Variants in SDK1 observed in about 807,000 individuals in gnomAD.
SDK1 encodes the protein protein sidekick-1.
SDK1 carries 157 observed loss-of-function variants against 245.5 expected under a neutral mutation model. The ratio of observed to expected loss-of-function variants is 0.64; its 90% CI spans 0.56 to 0.73. The LOEUF is 0.73. Among genes scored for constraint, SDK1 ranks in the 30% least tolerant of loss-of-function variants. SDK1 has a pLI of 0.00. For synonymous variants in SDK1, 1,647 were observed against 1,278.5 expected, an observed-to-expected ratio of 1.29 and a Z score of -6.15; for missense variants, 3,583 against 3,002.3, an observed-to-expected ratio of 1.19 and a Z score of -4.52.
At chr7:3,569,260 C>G (rs982396997) in intron 1 of SDK1, among the ~76,000 whole-genome samples, 24 of 152,078 alleles carry the variant, frequency 1.6e-4, no homozygotes, top group Non-Finnish European at 3.2e-4. Flanking sequence ...AAACGAGAAC[C>G]AGAAGTAAGG....
At chr7:4,180,325 G>GCCCGGCTCCAGCTCTATGCCCAGCA (rs1562398636) in intron 35 of SDK1, among the ~76,000 whole-genome samples, 1 of 147,938 alleles carries the variant, frequency 6.8e-6, no homozygotes, top group African/African-American at 2.6e-5. Context: ...TATGCCCAGT[G>GCCCGGCTCCAGCTCTATGCCCAGCA]CCCGGCTCCA....
intron 1 of SDK1, among the ~76,000 whole-genome samples, chr7:3,492,327 T>C (rs1242979740): frequency 6.6e-6 from 1 of 152,136 alleles, no homozygotes; most frequent in East Asian, 1.9e-4. Context: ...ACCCCGTCTC[T>C]ACTAAAAATA....
At chr7:3,851,263 GA>G (rs913954298) in intron 5 of SDK1, among the ~76,000 whole-genome samples, 5 of 151,974 alleles carry the variant, frequency 3.3e-5, no homozygotes, top group African/African-American at 1.2e-4. Context: ...TTGAAGACAT[GA>G]TATAGTCTTT....
chr7:3,771,798 C>G (rs370643937), intron 4 of SDK1, among the ~76,000 whole-genome samples: 5 of 152,042 alleles, frequency 3.3e-5, no homozygotes, highest in African/African-American at 1.2e-4. Flanking sequence ...TGAATGTATA[C>G]TTCACTGCCA....
intron 34 of SDK1, among the ~76,000 whole-genome samples, chr7:4,177,883 A>G (rs1285776262): frequency 6.6e-6 from 1 of 152,266 alleles, no homozygotes; most frequent in East Asian, 1.9e-4. Flanking sequence ...GAGGGGAGAC[A>G]GCGACAGATC....
intron 44 of SDK1, among the ~76,000 whole-genome samples, chr7:4,255,997 G>A (rs1325052999): frequency 7.2e-6 from 1 of 139,082 alleles, no homozygotes; most frequent in Non-Finnish European, 1.5e-5. Flanking sequence ...TCAGCTCACT[G>A]CAACCTCTGC....
At chr7:4,190,619 C>G (rs1303213471) in intron 35 of SDK1, among the ~76,000 whole-genome samples, 1 of 152,260 alleles carries the variant, frequency 6.6e-6, no homozygotes, top group East Asian at 1.9e-4. Context: ...GTGGGGGATT[C>G]TCCAATGCGC....
rs146656620 is a variant in SDK1, at chr7:4,075,089, C to G, written c.3011-1909C>G. Among the ~76,000 whole-genome samples, 487 of 151,250 alleles carry G rather than the reference C, an allele frequency of 3.2e-3. 6 individuals are homozygous for G. Among genetic ancestry groups the G allele is most frequent in the African/African-American group, 0.011 (464 of 41,044 alleles). ...CACCACAGAGGATGGTTTAGTGACCCTCCTGGGCCCAGGCAGAGACCCCAA... is the reference window on the plus strand; with the variant it reads ...CACCACAGAGGATGGTTTAGTGACCGTCCTGGGCCCAGGCAGAGACCCCAA... On this transcript the variant is annotated intron_variant, in intron 20 of 44. Transcript: ENST00000404826.
chr7:3,776,491 C>G (rs959389902), intron 4 of SDK1, among the ~76,000 whole-genome samples: 1 of 152,158 alleles, frequency 6.6e-6, no homozygotes, highest in African/African-American at 2.4e-5. Flanking sequence ...CGATCAGATC[C>G]CATTGTTGTG....
chr7:3,657,287 G>A (rs910997812), intron 4 of SDK1, among the ~76,000 whole-genome samples: 19 of 152,278 alleles, frequency 1.2e-4, no homozygotes, highest in African/African-American at 4.6e-4. Flanking sequence ...ACAGATGAGA[G>A]GCAGACAGCT....
Position 3,845,101 on chromosome 7 carries a change from C to T in SDK1, c.847+23518C>T, listed in dbSNP as rs144352804. ...CTTCGGAGAGCGGAGGTCGCGAGAGCCAGGTTGGCGGGGAGGGATGCTGGG... is the reference window on the plus strand; with the variant it reads ...CTTCGGAGAGCGGAGGTCGCGAGAGTCAGGTTGGCGGGGAGGGATGCTGGG... On this transcript the variant is annotated intron_variant, in intron 5 of 44. Coordinates refer to ENST00000404826, the MANE Select transcript of SDK1 (RefSeq NM_152744.4). Among the ~76,000 whole-genome samples, 150 of 152,192 alleles carry T rather than the reference C, an allele frequency of 9.9e-4. 2 individuals are homozygous for T. The highest frequency in any genetic ancestry group is 3.4e-3 in the Middle Eastern group (1 of 294).
chr7:3,734,180 A>G (rs1779258607), intron 4 of SDK1, among the ~76,000 whole-genome samples: 2 of 152,198 alleles, frequency 1.3e-5, no homozygotes, highest in South Asian at 4.1e-4. Flanking sequence ...TAACATGCTG[A>G]AAATTAAAAC....
At chr7:3,564,077 CAT>C (rs1204609385) in intron 1 of SDK1, among the ~76,000 whole-genome samples, 4 of 151,842 alleles carry the variant, frequency 2.6e-5, no homozygotes, top group East Asian at 3.9e-4. Flanking sequence ...CTTAAATAAA[CAT>C]AGTTTATTAA....
chr7:3,879,531 G>C (rs978721138), intron 5 of SDK1, among the ~76,000 whole-genome samples: 3 of 152,188 alleles, frequency 2.0e-5, no homozygotes, highest in Admixed American at 1.3e-4. Context: ...CTGTGCTTCA[G>C]AACCTTGGCA....
At chr7:4,130,120 C>G in intron 27 of SDK1, 23 bp downstream of exon 27, 1 of 1,550,578 alleles carries the variant, frequency 6.4e-7, no homozygotes, top group East Asian at 2.3e-5. Flanking sequence ...TTCGCGCCTT[C>G]GGGAGCCTTG....
chr7:3,390,737 G>C (rs1391909834), intron 1 of SDK1, among the ~76,000 whole-genome samples: 1 of 152,146 alleles, frequency 6.6e-6, no homozygotes, highest in Non-Finnish European at 1.5e-5. Context: ...GAAGCTAGGA[G>C]AGAGGTGGAA....
At position 3,301,899 on chromosome 7, in the gene SDK1, G is replaced by A. The variant is rs1562399211; in HGVS notation, c.298+15G>A. ...GCTGGCGCAAGGTAGGTGCGCGCGG[G>A]GTCGCGGGCCGGGGGCGTCGCCTCG... On this transcript the variant is annotated intron_variant, in intron 1 of 44. Coordinates refer to ENST00000404826, the MANE Select transcript of SDK1 (RefSeq NM_152744.4). 7.9e-6 allele frequency: 9 copies of A among 1,135,194 alleles called. No homozygotes were observed. Among genetic ancestry groups the A allele is most frequent in the Non-Finnish European group, 9.7e-6 (9 of 925,974 alleles). 70.3% of individuals were successfully genotyped at this position (1,135,194 alleles called of 1,614,324 possible).
intron 5 of SDK1, among the ~76,000 whole-genome samples, chr7:3,910,039 G>A (rs1258610645): frequency 6.6e-6 from 1 of 152,212 alleles, no homozygotes; most frequent in African/African-American, 2.4e-5. Flanking sequence ...TGAAAGGACT[G>A]TTCACTTTTT....
At chr7:3,654,280 G>A (rs1456655941) in intron 4 of SDK1, among the ~76,000 whole-genome samples, 4 of 152,180 alleles carry the variant, frequency 2.6e-5, no homozygotes, top group Admixed American at 2.6e-4. Context: ...TGTCTGAACT[G>A]CTCTTATCCT....
Sources: allele counts gnomAD v4.1 joint callset (sites outside exome capture counted in the v4.1 genomes callset), GRCh38; gene constraint gnomAD v4.1.1; transcripts MANE v1.5; gene names NCBI Gene and HGNC (gene_info 2026-07-23, HGNC 2026-07-21).